The following RASAL2 variants were observed in gnomAD, a reference collection of about 807,000 sequenced individuals.
RASAL2 encodes RAS protein activator like 2, also known as ras GTPase-activating protein nGAP.
In RASAL2, 58 loss-of-function variants were observed where a neutral mutation model predicts 128.9. That is an observed-to-expected ratio of 0.45 (90% CI 0.36 to 0.56). RASAL2 has a LOEUF of 0.56. Ranked by LOEUF, RASAL2 falls within the 20% of genes least tolerant of loss-of-function variation. The pLI, the probability that RASAL2 is intolerant of heterozygous loss-of-function variation, is 0.00. For missense variants in RASAL2, 1,360 were observed against 1,601.6 expected, an observed-to-expected ratio of 0.85 and a Z score of 2.57; for synonymous variants, 561 against 580.8, an observed-to-expected ratio of 0.97 and a Z score of 0.49.
At chr1:178,222,665 A>G (rs1457354225) in intron 1 of RASAL2, among the ~76,000 whole-genome samples, 3 of 152,160 alleles carry the variant, frequency 2.0e-5, no homozygotes. Context: ...TTTTCTAAGT[A>G]TATATTCATT....
At chr1:178,340,167 CAT>C (rs1669791766) in intron 3 of RASAL2, among the ~76,000 whole-genome samples, 1 of 151,826 alleles carries the variant, frequency 6.6e-6, no homozygotes, top group South Asian at 2.1e-4. Context: ...ATATATAATA[CAT>C]ATATACATAA....
intron 4 of RASAL2, among the ~76,000 whole-genome samples, chr1:178,393,361 G>A (rs1023009665): frequency 8.5e-5 from 13 of 152,222 alleles, no homozygotes; most frequent in Non-Finnish European, 1.3e-4. Context: ...ATGGTAGACA[G>A]TGACAGATCC....
chr1:178,104,107 C>A (rs74564609), intron 1 of RASAL2, among the ~76,000 whole-genome samples: 3 of 151,984 alleles, frequency 2.0e-5, no homozygotes, highest in African/African-American at 7.3e-5. Flanking sequence ...TCTAGTACTT[C>A]GTTGGTTTTA....
intron 1 of RASAL2, among the ~76,000 whole-genome samples, chr1:178,139,005 G>C (rs1482015546): frequency 6.6e-6 from 1 of 151,846 alleles, no homozygotes; most frequent in East Asian, 1.9e-4. Flanking sequence ...GAAAAAGAAA[G>C]GTAAATTCCT....
intron 3 of RASAL2, among the ~76,000 whole-genome samples, chr1:178,347,267 T>C (rs995489048): frequency 6.6e-6 from 1 of 152,184 alleles, no homozygotes; most frequent in Non-Finnish European, 1.5e-5. Flanking sequence ...TATAAACCCA[T>C]TTTCATTTTA....
rs934435042 is a variant in RASAL2 at position 178,478,082 on chromosome 1, T to C, written c.*4843T>C. The C allele has an allele frequency of 1.3e-5, 2 of 152,104 alleles. No homozygotes were observed. Among genetic ancestry groups the C allele is most frequent in the Admixed American group, 6.5e-5 (1 of 15,268 alleles). The allele number at this position is 152,104 out of a possible 1,614,324, so 9.4% of individuals were successfully genotyped here. ...GGTAGTCTTTGCCTGCATTTCAGCA[T>C]GCATTTTCCTTTCCTACTCAGTTGC... is the stretch of plus-strand genomic sequence containing the variant. On this transcript the variant is annotated 3_prime_UTR_variant, in exon 18 of 18. Transcript: ENST00000367649.
At chr1:178,401,611 C>T (rs868343844) in intron 4 of RASAL2, among the ~76,000 whole-genome samples, 1 of 152,070 alleles carries the variant, frequency 6.6e-6, no homozygotes, top group Non-Finnish European at 1.5e-5. Flanking sequence ...TGAATAGCCA[C>T]TGAACTCCAG....
intron 4 of RASAL2, chr1:178,411,817 G>T (rs533422169): frequency 2.3e-5 from 18 of 770,304 alleles, no homozygotes; most frequent in Non-Finnish European, 3.6e-5. Context: ...GAGGTGCAAG[G>T]AGCCAGGTAT....
At chr1:178,177,916 A>T (rs1661950108) in intron 1 of RASAL2, among the ~76,000 whole-genome samples, 1 of 152,260 alleles carries the variant, frequency 6.6e-6, no homozygotes, top group Non-Finnish European at 1.5e-5. Flanking sequence ...GTTTTAGACT[A>T]GAAAAGCATT....
At chr1:178,197,440 C>T (rs1422216669) in intron 1 of RASAL2, among the ~76,000 whole-genome samples, 1 of 150,856 alleles carries the variant, frequency 6.6e-6, no homozygotes, top group Non-Finnish European at 1.5e-5. Context: ...AGCGACAGAG[C>T]GAGACTCTGT....
chr1:178,350,693 T>C (rs1670421233), intron 3 of RASAL2, among the ~76,000 whole-genome samples: 1 of 152,174 alleles, frequency 6.6e-6, no homozygotes, highest in South Asian at 2.1e-4. Flanking sequence ...CTTGCAGTGG[T>C]AGGACTGAGA....
At chr1:178,371,322 CCACACA>C (rs370972772) in intron 3 of RASAL2, among the ~76,000 whole-genome samples, 5 of 124,476 alleles carry the variant, frequency 4.0e-5, no homozygotes, top group East Asian at 2.4e-4. Context: ...GCCTTCTTTC[CCACACA>C]CACACACACA....
At chr1:178,224,224 A>AT (rs35686460) in intron 1 of RASAL2, among the ~76,000 whole-genome samples, 17,555 of 143,246 alleles carry the variant, frequency 0.12, 1,055 homozygotes, top group Middle Eastern at 0.15. Flanking sequence ...GAAAACTAGA[A>AT]TTTTTTTTTT....
In RASAL2 at chr1:178,315,453, C is replaced by G. The variant is rs371617112; in HGVS notation, c.457+15335C>G. On this transcript the variant is annotated intron_variant, in intron 3 of 17. Coordinates refer to ENST00000367649, the MANE Select transcript of RASAL2 (RefSeq NM_170692.4). ...TCTCCACATCCTCTCCAGCACCTGT[C>G]GTTTCCTGACTTTTTAATGATTGCC... is the stretch of plus-strand genomic sequence containing the variant. Among the ~76,000 whole-genome samples the G allele has an allele frequency of 6.1e-3, 862 of 140,216 alleles. 7 individuals are homozygous for G. Among genetic ancestry groups the G allele is most frequent in the Non-Finnish European group, 9.8e-3 (650 of 66,358 alleles). 92.0% of individuals were successfully genotyped at this position (140,216 alleles called of 152,430 possible). A position where few individuals can be genotyped will look rare whatever the true frequency, so the allele number is the denominator to read the frequency against.
At chr1:178,263,111 G>T (rs943822946) in intron 1 of RASAL2, among the ~76,000 whole-genome samples, 1 of 152,078 alleles carries the variant, frequency 6.6e-6, no homozygotes, top group Non-Finnish European at 1.5e-5. Flanking sequence ...CCAAGGAAAG[G>T]TTTATTTACA....
chr1:178,439,220 A>C (rs1406481623), intron 5 of RASAL2, among the ~76,000 whole-genome samples: 2 of 152,052 alleles, frequency 1.3e-5, no homozygotes, highest in Admixed American at 6.6e-5. Flanking sequence ...GTGTGTGTGC[A>C]CTCACATAGA....
chr1:178,115,706 A>T (rs1659499937), intron 1 of RASAL2, among the ~76,000 whole-genome samples: 1 of 152,212 alleles, frequency 6.6e-6, no homozygotes, highest in South Asian at 2.1e-4. Context: ...TTTCAAAAAG[A>T]CCACTCTGGT....
At chr1:178,320,540 G>T (rs919595752) in intron 3 of RASAL2, among the ~76,000 whole-genome samples, 2 of 152,062 alleles carry the variant, frequency 1.3e-5, no homozygotes, top group Non-Finnish European at 2.9e-5. Flanking sequence ...TATTTGGGTG[G>T]GAGTGACCTG....
chr1:178,437,455 C>CA (rs1472356845), intron 5 of RASAL2, among the ~76,000 whole-genome samples: 3 of 152,046 alleles, frequency 2.0e-5, no homozygotes, highest in Non-Finnish European at 4.4e-5. Flanking sequence ...GTGGCTCTAC[C>CA]ATTGCTTCAT....
Sources: allele counts gnomAD v4.1 joint callset (sites outside exome capture counted in the v4.1 genomes callset), GRCh38; gene constraint gnomAD v4.1.1; transcripts MANE v1.5; gene names NCBI Gene and HGNC (gene_info 2026-07-23, HGNC 2026-07-21).